The following SLC6A11 variants were observed in gnomAD, a reference collection of about 807,000 sequenced individuals.
SLC6A11 encodes solute carrier family 6 member 11.
In SLC6A11, 25 loss-of-function variants were observed where a neutral mutation model predicts 74.8. That is an observed-to-expected ratio of 0.33 (90% confidence interval 0.24 to 0.47). The LOEUF is 0.47. SLC6A11 is among the 20% of genes least tolerant of loss of function. The probability of loss-of-function intolerance (pLI) is 1.00; values close to 1 mark genes in which losing one functional copy is unlikely to be tolerated. For missense variants in SLC6A11, 574 were observed against 837.0 expected, an observed-to-expected ratio of 0.69 and a Z score of 3.88; for synonymous variants, 330 against 330.2, an observed-to-expected ratio of 1.00 and a Z score of 0.01.
At chr3:10,825,442 T>C (rs1298757573) in intron 4 of SLC6A11, 2 of 152,204 alleles carry the variant, frequency 1.3e-5, no homozygotes, top group African/African-American at 4.8e-5. Flanking sequence ...TCTATTTGGA[T>C]AGTTTGTCTT....
chr3:10,921,417 G>A (rs983385248), intron 8 of SLC6A11, among the ~76,000 whole-genome samples: 9 of 152,210 alleles, frequency 5.9e-5, no homozygotes, highest in African/African-American at 1.9e-4. Flanking sequence ...TTATTAACTC[G>A]AATAAGTTAT....
rs921312809 is a variant in SLC6A11, at chr3:10,823,240, T to C, written c.533-62T>C. 8.6e-6 allele frequency: 11 copies of C among 1,271,814 alleles called. No individual in the cohort carries two copies. The African/African-American group carries it at 1.5e-4, about 17-fold the overall frequency. 78.8% of individuals were successfully genotyped at this position (1,271,814 alleles called of 1,614,324 possible). ...AGTTGCGCATCAGCTCTGAATGTTTTTCAGGATTCAGCTTTCATGGAGATT... is the reference window on the plus strand; with the variant it reads ...AGTTGCGCATCAGCTCTGAATGTTTCTCAGGATTCAGCTTTCATGGAGATT... On this transcript the variant is annotated intron_variant, in intron 3 of 13. Transcript: ENST00000254488.
intron 6 of SLC6A11, among the ~76,000 whole-genome samples, chr3:10,911,634 A>G (rs997761139): frequency 1.3e-5 from 2 of 152,154 alleles, no homozygotes; most frequent in Non-Finnish European, 1.5e-5. Flanking sequence ...AAAAGGAAGC[A>G]TTCATTTTAC....
At chr3:10,925,011 C>T (rs771740935) in intron 8 of SLC6A11, among the ~76,000 whole-genome samples, 5 of 151,786 alleles carry the variant, frequency 3.3e-5, no homozygotes, top group South Asian at 2.1e-4. Context: ...AGTCCGAGGA[C>T]GAAAAAAAAT....
chr3:10,870,023 A>C (rs189727509), intron 5 of SLC6A11, among the ~76,000 whole-genome samples: 24 of 152,244 alleles, frequency 1.6e-4, no homozygotes. Flanking sequence ...GGGGCAGACA[A>C]TACCCTCTGC....
chr3:10,898,824 T>G (rs906854394), intron 6 of SLC6A11, among the ~76,000 whole-genome samples: 1 of 152,166 alleles, frequency 6.6e-6, no homozygotes, highest in Non-Finnish European at 1.5e-5. Context: ...CAATACCAAT[T>G]TACTGTATTA....
chr3:10,897,550 A>C (rs531578182), intron 6 of SLC6A11, among the ~76,000 whole-genome samples: 21 of 152,320 alleles, frequency 1.4e-4, no homozygotes, highest in Admixed American at 1.1e-3. Context: ...TAAAGCTCCA[A>C]AATGATCTCC....
At chr3:10,844,156 G>A in intron 4 of SLC6A11, 58 bp from the exon 5 acceptor site, 1 of 1,608,438 alleles carries the variant, frequency 6.2e-7, no homozygotes, top group Non-Finnish European at 8.5e-7. Flanking sequence ...TGCAGTACTA[G>A]CTTTGCTGAA....
chr3:10,853,634 GCAGAA>G (rs1487489050), intron 5 of SLC6A11, among the ~76,000 whole-genome samples: 1 of 152,212 alleles, frequency 6.6e-6, no homozygotes, highest in Non-Finnish European at 1.5e-5. Context: ...CTATTCACAG[GCAGAA>G]CTTCTTCGTC....
intron 8 of SLC6A11, among the ~76,000 whole-genome samples, chr3:10,924,984 G>A (rs1167631875): frequency 6.6e-6 from 1 of 152,162 alleles, no homozygotes; most frequent in African/African-American, 2.4e-5. Context: ...CCACTTCTAG[G>A]TAGAATAGGC....
chr3:10,935,005 G>C, intron 12 of SLC6A11, 24 bp from the exon 13 acceptor site: 1 of 1,604,980 alleles, frequency 6.2e-7, no homozygotes, highest in Non-Finnish European at 8.5e-7. Flanking sequence ...CATCCCCCAG[G>C]CACCTGCCCC....
chr3:10,902,834 A>G lies in SLC6A11; in HGVS notation c.892-9256A>G, dbSNP rs1575696032. On this transcript the variant is annotated intron_variant, in intron 6 of 13. Transcript: ENST00000254488. ...GAGATTCATTTGTTCGTAAGCCCAA[A>G]GTGACTCCTCACGCTGGCCAGTGTG... 5.3e-5 allele frequency among the ~76,000 whole-genome samples: 8 copies of G among 152,328 alleles called. No individual in the cohort carries two copies. In the South Asian group the frequency reaches 1.7e-3, roughly 32 times the overall value.
chr3:10,898,363 T>C (rs1294600369), intron 6 of SLC6A11, among the ~76,000 whole-genome samples: 2 of 152,230 alleles, frequency 1.3e-5, no homozygotes, highest in Admixed American at 6.5e-5. Flanking sequence ...TATCACAGGC[T>C]ACAGATTTTC....
intron 5 of SLC6A11, among the ~76,000 whole-genome samples, chr3:10,873,897 G>A (rs1694873250): frequency 6.6e-6 from 1 of 151,776 alleles, no homozygotes; most frequent in Non-Finnish European, 1.5e-5. Context: ...GCTACTCTAT[G>A]CTATCCTATG....
chr3:10,889,901 A>G (rs1695088579), intron 6 of SLC6A11, among the ~76,000 whole-genome samples: 2 of 151,106 alleles, frequency 1.3e-5, no homozygotes, highest in Non-Finnish European at 3.0e-5. Context: ...GCCAGGGGGG[A>G]GAGAGAGAGA....
At chr3:10,839,124 C>A (rs1694405522) in intron 4 of SLC6A11, among the ~76,000 whole-genome samples, 2 of 152,150 alleles carry the variant, frequency 1.3e-5, no homozygotes, top group African/African-American at 4.8e-5. Context: ...TCTCTTATCC[C>A]CCATTCCCTC....
At chr3:10,931,532 T>C (rs1251769298) in intron 10 of SLC6A11, among the ~76,000 whole-genome samples, 1 of 152,216 alleles carries the variant, frequency 6.6e-6, no homozygotes, top group Non-Finnish European at 1.5e-5. Context: ...AGGCCAGGCA[T>C]GGCCCGCTGA....
At chr3:10,858,631 C>G (rs902702187) in intron 5 of SLC6A11, among the ~76,000 whole-genome samples, 1 of 152,296 alleles carries the variant, frequency 6.6e-6, no homozygotes, top group Admixed American at 6.5e-5. Flanking sequence ...TTTGTTTCCA[C>G]TTTATAGGTG....
At chr3:10,832,613 C>T (rs1203950395) in intron 4 of SLC6A11, among the ~76,000 whole-genome samples, 4 of 152,122 alleles carry the variant, frequency 2.6e-5, no homozygotes, top group African/African-American at 9.7e-5. Flanking sequence ...AATATGTCTC[C>T]CCAGCCCTGC....
Sources: gnomAD v4.1 joint callset for allele counts (sites outside exome capture counted in the v4.1 genomes callset) on GRCh38, gnomAD v4.1.1 for gene constraint, MANE v1.5 for transcripts, NCBI Gene and HGNC (gene_info 2026-07-23, HGNC 2026-07-21) for gene names.